Variants in CCNB1 observed in about 807,000 individuals in gnomAD.
CCNB1 encodes cyclin B1.
Under a neutral mutation model 44.4 loss-of-function variants are expected in CCNB1, and 26 were observed. The ratio of observed to expected loss-of-function variants is 0.59; its 90% CI spans 0.43 to 0.81. The LOEUF (loss-of-function observed/expected upper bound fraction) is 0.81. CCNB1 is among the 40% of genes least tolerant of loss of function. The pLI is 0.00. For missense variants in CCNB1, 477 were observed against 520.9 expected, an observed-to-expected ratio of 0.92 and a Z score of 0.82; for synonymous variants, 195 against 181.4, an observed-to-expected ratio of 1.08 and a Z score of -0.60.
rs1216205357 is a variant in CCNB1, at chr5:69,171,333, T to A, written c.427T>A (p.Cys143Ser). ...ATGTGCCCCTGCAGAAGAAGACCTG[T>A]GTCAGGCTTTCTCTGATGTAATTCT... ...SGCAPAEEDL[C>S]QAFSDVILAV... is the part of the protein sequence containing the mutation. Residue 143 changes from cysteine (C) to serine (S), a missense_variant, in exon 4 of 9, where the codon TGT (cysteine) becomes AGT (serine). By Grantham distance (112) the Cys-to-Ser change is moderately radical (BLOSUM62 -1). Transcript: ENST00000256442. 2 of 1,613,874 alleles carry A rather than the reference T, an allele frequency of 1.2e-6. No individual in the cohort carries two copies. The highest frequency in any genetic ancestry group is 2.7e-5 in the African/African-American group (2 of 74,922).
chr5:69,167,573 T>C, intron 1 of CCNB1: 1 of 514,226 alleles, frequency 1.9e-6, no homozygotes, highest in South Asian at 2.6e-5. Context: ...TGATAGAGGG[T>C]CCCTGAGTGG....
intron 4 of CCNB1, among the ~76,000 whole-genome samples, chr5:69,173,188 A>C (rs528752498): frequency 6.6e-6 from 1 of 152,208 alleles, no homozygotes; most frequent in Non-Finnish European, 1.5e-5. Context: ...AGATAAATGG[A>C]GTTTGCTGGT....
chr5:69,167,350 T>G (rs1315198027), intron 1 of CCNB1, 67 bp downstream of exon 1: 1 of 1,565,082 alleles, frequency 6.4e-7, no homozygotes, highest in Admixed American at 1.7e-5. Flanking sequence ...CTGCCTCGCC[T>G]GCGGGAGCCT....
At chr5:69,176,765 G>C (rs1404031632) in intron 7 of CCNB1, among the ~76,000 whole-genome samples, 1 of 151,824 alleles carries the variant, frequency 6.6e-6, no homozygotes, top group African/African-American at 2.4e-5. Context: ...CAGATCACGA[G>C]CTCAAAAGTT....
chr5:69,176,131 A>C (rs1448138040), intron 7 of CCNB1, among the ~76,000 whole-genome samples: 1 of 151,184 alleles, frequency 6.6e-6, no homozygotes, highest in Non-Finnish European at 1.5e-5. Context: ...CAAGCGATCC[A>C]CCCACCTCCA....
chr5:69,167,317 T>G, intron 1 of CCNB1, 34 bp downstream of exon 1: 1 of 1,602,298 alleles, frequency 6.2e-7, no homozygotes, highest in Non-Finnish European at 8.5e-7. Flanking sequence ...TAACGCGGCC[T>G]TCTTAGCTGC....
intron 3 of CCNB1, 101 bp downstream of exon 3, chr5:69,168,444 A>G: frequency 7.3e-7 from 1 of 1,376,240 alleles, no homozygotes; most frequent in Non-Finnish European, 1.0e-6. Context: ...TATTAATACC[A>G]TTTATTGAGT....
rs536091898 is a variant in CCNB1 at position 69,168,359 on chromosome 5, C to T, written c.363+16C>T. On this transcript the variant is annotated intron_variant, in intron 3 of 8. Transcript: ENST00000256442. The stretch of plus-strand genomic sequence containing the variant: ...GCCTATTTTGGTAAACTTATTCTTA[C>T]CATTGTAGAGTCTGTTGATTATTTC... 2 of 1,613,814 alleles carry T rather than the reference C, an allele frequency of 1.2e-6. No individual in the cohort carries two copies. Among genetic ancestry groups the T allele is most frequent in the Admixed American group, 3.3e-5 (2 of 59,974 alleles).
At chr5:69,169,943 C>T (rs776751156) in intron 3 of CCNB1, among the ~76,000 whole-genome samples, 3 of 151,702 alleles carry the variant, frequency 2.0e-5, no homozygotes, top group Non-Finnish European at 4.4e-5. Context: ...AGCCACCATG[C>T]CCAGCCTTAG....
At chr5:69,168,115 G>T in intron 2 of CCNB1, 37 bp downstream of exon 2, 4 of 1,610,632 alleles carry the variant, frequency 2.5e-6, no homozygotes, top group Non-Finnish European at 3.4e-6. Flanking sequence ...GTAAGAGCCC[G>T]CCTTCCAACT....
rs763731070 is a variant in CCNB1 at position 69,168,327 on chromosome 5, C to T, written c.347C>T (p.Ser116Leu). 2.0e-5 allele frequency: 33 copies of T among 1,614,038 alleles called. No individual in the cohort carries two copies. The highest frequency in any genetic ancestry group is 2.7e-5 in the Non-Finnish European group (32 of 1,180,038). The change falls in exon 3 of 9, where the codon TCG becomes TTG. Residue 116 changes from serine to leucine, a missense_variant. Ser to Leu is a moderately radical substitution (Grantham distance 145, BLOSUM62 -2). Transcript: ENST00000256442. ...EPEPVKEEKL[S>L]PEPILVDTAS... is the part of the protein sequence containing the mutation. ...GAGCCTGTTAAAGAAGAAAAACTTT[C>T]GCCTGAGCCTATTTTGGTAAACTTA...
intron 4 of CCNB1, among the ~76,000 whole-genome samples, chr5:69,172,112 C>T (rs943603810): frequency 2.0e-5 from 3 of 152,148 alleles, no homozygotes; most frequent in African/African-American, 7.2e-5. Context: ...GAGTCTCACA[C>T]TGTCGCCCAG....
chr5:69,171,932 T>G (rs945335880), intron 4 of CCNB1, among the ~76,000 whole-genome samples: 2 of 152,258 alleles, frequency 1.3e-5, no homozygotes, highest in African/African-American at 4.8e-5. Context: ...AAGCTACTTT[T>G]TTGGTTCACT....
chr5:69,169,719 C>T (rs1179662676), intron 3 of CCNB1, among the ~76,000 whole-genome samples: 6 of 152,052 alleles, frequency 3.9e-5, no homozygotes. Flanking sequence ...GTGGTGCCAT[C>T]TTGGCTCACC....
At chr5:69,176,426 G>T (rs1179767201) in intron 7 of CCNB1, among the ~76,000 whole-genome samples, 3 of 151,512 alleles carry the variant, frequency 2.0e-5, no homozygotes, top group African/African-American at 7.3e-5. Context: ...GCGTGATCTC[G>T]GCTCACTGCA....
chr5:69,174,828 T>A (rs1371577919), intron 5 of CCNB1, 49 bp from the exon 6 acceptor site: 1 of 1,415,600 alleles, frequency 7.1e-7, no homozygotes, highest in Admixed American at 1.7e-5. Flanking sequence ...CATAGCTCTG[T>A]GTCTCCTTTT....
At chr5:69,174,807 C>A in intron 5 of CCNB1, 70 bp from the exon 6 acceptor site, 1 of 1,167,134 alleles carries the variant, frequency 8.6e-7, no homozygotes, top group African/African-American at 1.5e-5. Flanking sequence ...GTCTTTCTAC[C>A]TCTCCTTCAT....
chr5:69,167,669 C>T (rs1426671589), intron 1 of CCNB1, among the ~76,000 whole-genome samples: 1 of 152,200 alleles, frequency 6.6e-6, no homozygotes, highest in Non-Finnish European at 1.5e-5. Context: ...AATGTAAATT[C>T]TCGGTATTTT....
intron 4 of CCNB1, among the ~76,000 whole-genome samples, chr5:69,173,719 G>A (rs1268349559): frequency 6.6e-6 from 1 of 152,108 alleles, no homozygotes; most frequent in Non-Finnish European, 1.5e-5. Flanking sequence ...CGTAAGACCT[G>A]ACAATATAAA....
Sources: gnomAD v4.1 joint callset for allele counts (sites outside exome capture counted in the v4.1 genomes callset) on GRCh38, gnomAD v4.1.1 for gene constraint, MANE v1.5 for transcripts, NCBI Gene and HGNC (gene_info 2026-07-23, HGNC 2026-07-21) for gene names.